Variants in ACVR2A observed in about 807,000 individuals in gnomAD.
The protein encoded by ACVR2A is activin A receptor type 2A, also known as activin receptor type-2A.
A neutral mutation model predicts 61.4 loss-of-function variants in ACVR2A; 7 were observed. The ratio of observed to expected loss-of-function variants is 0.11; its 90% confidence interval spans 0.06 to 0.21. The LOEUF (loss-of-function observed/expected upper bound fraction) is 0.21. Ranked by LOEUF, ACVR2A falls within the 10% of genes least tolerant of loss-of-function variation. The probability of loss-of-function intolerance (pLI) is 1.00; values close to 1 mark genes in which losing one functional copy is unlikely to be tolerated. For synonymous variants in ACVR2A, 193 were observed against 208.3 expected, an observed-to-expected ratio of 0.93 and a Z score of 0.63; for missense variants, 322 against 621.7, an observed-to-expected ratio of 0.52 and a Z score of 5.13.
chr2:147,893,197 A>C (rs1686632934), intron 1 of ACVR2A, among the ~76,000 whole-genome samples: 1 of 152,136 alleles, frequency 6.6e-6, no homozygotes, highest in African/African-American at 2.4e-5. Flanking sequence ...CACTTAGCAT[A>C]ATGTTTGAGA....
At chr2:147,878,908 TA>T (rs11284106) in intron 1 of ACVR2A, among the ~76,000 whole-genome samples, 49,767 of 149,460 alleles carry the variant, frequency 0.33, 8,436 homozygotes, top group East Asian at 0.52. Context: ...GACCTGTCTT[TA>T]AAAAAAAAAA....
rs576688622 is a variant in ACVR2A, at chr2:147,859,195, A to G, written c.55+13988A>G. Among the ~76,000 whole-genome samples, 31 of 152,214 alleles carry G rather than the reference A, an allele frequency of 2.0e-4. 1 individual carries two copies. The South Asian group carries it at 6.4e-3, about 32-fold the overall frequency. ...TAACTCTGTCTCTGAGGGAAAATAG[A>G]TTTAGTATTCCTTCTTGGACCAGAA... On this transcript the variant is annotated intron_variant, in intron 1 of 10. Transcript: ENST00000241416.
At chr2:147,851,298 T>C (rs191224656) in intron 1 of ACVR2A, among the ~76,000 whole-genome samples, 4 of 152,232 alleles carry the variant, frequency 2.6e-5, no homozygotes, top group Admixed American at 6.5e-5. Context: ...GTATAGACTC[T>C]GGATATAGAC....
rs529947170 is a variant in ACVR2A at position 147,862,264 on chromosome 2, A to G, written c.55+17057A>G. On this transcript the variant is annotated intron_variant, in intron 1 of 10. Coordinates refer to ENST00000241416, the MANE Select transcript of ACVR2A (RefSeq NM_001616.5). ...ATAGCAATAATAAGCACCAAAGCGAACTCTAATTCTAGGGCAGATTTTTTT... is the reference window on the plus strand; with the variant it reads ...ATAGCAATAATAAGCACCAAAGCGAGCTCTAATTCTAGGGCAGATTTTTTT... Among the ~76,000 whole-genome samples the G allele has an allele frequency of 5.9e-5, 9 of 151,344 alleles. No homozygotes were observed. In the East Asian group the frequency reaches 1.7e-3, roughly 29 times the overall value.
In ACVR2A at chr2:147,910,453, A is replaced by G. The variant is rs1186176062; in HGVS notation, c.529-4738A>G. On this transcript the variant is annotated intron_variant, in intron 4 of 10. Coordinates refer to ENST00000241416, the MANE Select transcript of ACVR2A (RefSeq NM_001616.5). ...CTGGAGTACTGGATAAGATGTTTTGATAGTAGGATTATCTCAGCCTTTTGG... is the reference window on the plus strand; with the variant it reads ...CTGGAGTACTGGATAAGATGTTTTGGTAGTAGGATTATCTCAGCCTTTTGG... 2.6e-5 allele frequency among the ~76,000 whole-genome samples: 4 copies of G among 152,272 alleles called. No homozygotes were observed. The South Asian group carries it at 8.3e-4, about 32-fold the overall frequency.
chr2:147,917,174 T>A, intron 5 of ACVR2A, 109 bp from the exon 6 acceptor site: 1 of 1,228,428 alleles, frequency 8.1e-7, no homozygotes, highest in Non-Finnish European at 1.1e-6. Flanking sequence ...TTTTAAGACT[T>A]TTTTGTTTTG....
At chr2:147,923,394 A>G (rs1226616074) in intron 9 of ACVR2A, among the ~76,000 whole-genome samples, 1 of 152,040 alleles carries the variant, frequency 6.6e-6, no homozygotes, top group Admixed American at 6.6e-5. Flanking sequence ...TGCTTTACAT[A>G]TGAGGAAATT....
At chr2:147,904,564 G>A (rs1308202824) in intron 4 of ACVR2A, among the ~76,000 whole-genome samples, 1 of 151,870 alleles carries the variant, frequency 6.6e-6, no homozygotes, top group South Asian at 2.1e-4. Context: ...CTTTATGATA[G>A]TTTGTCTAGG....
intron 1 of ACVR2A, among the ~76,000 whole-genome samples, chr2:147,847,818 C>CT (rs1430856054): frequency 6.6e-6 from 1 of 152,118 alleles, no homozygotes; most frequent in East Asian, 1.9e-4. Flanking sequence ...TCTTAGTTTT[C>CT]TTTTTATAGC....
Position 147,926,079 on chromosome 2 carries a change from A to G in ACVR2A, c.1265A>G (p.His422Arg). ...MLPFEEEIGQ[H>R]PSLEDMQEVV... The stretch of plus-strand genomic sequence containing the variant: ...CCATTTGAGGAGGAAATTGGCCAGC[A>G]TCCATCTCTTGAAGACATGCAGGAA... Residue 422 changes from histidine to arginine, a missense_variant, in exon 10 of 11, where the codon CAT becomes CGT. By Grantham distance (29) the His-to-Arg change is conservative. Coordinates refer to ENST00000241416, the MANE Select transcript of ACVR2A (RefSeq NM_001616.5). 1 of 1,612,232 alleles carries G rather than the reference A, an allele frequency of 6.2e-7. No homozygotes were observed. The highest frequency in any genetic ancestry group is 8.5e-7 in the Non-Finnish European group (1 of 1,178,758).
At chr2:147,859,369 A>G (rs1685668885) in intron 1 of ACVR2A, among the ~76,000 whole-genome samples, 1 of 152,042 alleles carries the variant, frequency 6.6e-6, no homozygotes, top group Non-Finnish European at 1.5e-5. Flanking sequence ...TCTGTGTGTG[A>G]TTAGAGAGGA....
At chr2:147,844,943 A>G (rs1319718136), upstream of ACVR2A, 6 of 379,736 alleles carry the variant, frequency 1.6e-5, no homozygotes, top group Admixed American at 3.7e-4. Flanking sequence ...CCCGTGGTGC[A>G]TTTTATTTTT....
chr2:147,864,553 C>T (rs1685807226), intron 1 of ACVR2A, among the ~76,000 whole-genome samples: 1 of 151,966 alleles, frequency 6.6e-6, no homozygotes, highest in South Asian at 2.1e-4. Flanking sequence ...TTTAAAGTAT[C>T]AATTAGCTTG....
At chr2:147,892,782 A>G (rs188892932) in intron 1 of ACVR2A, among the ~76,000 whole-genome samples, 9 of 152,006 alleles carry the variant, frequency 5.9e-5, no homozygotes, top group Admixed American at 3.3e-4. Context: ...ACACAGATAC[A>G]TAGTTAGAAA....
chr2:147,905,731 G>A (rs1686973840), intron 4 of ACVR2A, among the ~76,000 whole-genome samples: 1 of 151,836 alleles, frequency 6.6e-6, no homozygotes, highest in Non-Finnish European at 1.5e-5. Context: ...AAGTTATCTC[G>A]ACATGCAGGT....
Position 147,896,485 on chromosome 2 carries a change from G to A in ACVR2A, c.240G>A (p.Leu80=), listed in dbSNP as rs202108659. The change falls in exon 2 of 11, where the codon CTG becomes CTA. Residue 80 remains leucine (L), a synonymous_variant. Coordinates refer to ENST00000241416, the MANE Select transcript of ACVR2A (RefSeq NM_001616.5). ...SIEIVKQGCW[L]DDINCYDRTD... is the part of the protein sequence containing the mutation. Reference sequence around the variant, plus strand: ...AAATAGTGAAACAAGGTTGTTGGCTGGATGATATCAACTGCTATGACAGGT... The same window carrying A: ...AAATAGTGAAACAAGGTTGTTGGCTAGATGATATCAACTGCTATGACAGGT... 2.4e-5 allele frequency: 38 copies of A among 1,613,890 alleles called. No individual in the cohort carries two copies. The highest frequency in any genetic ancestry group is 3.1e-5 in the Non-Finnish European group (37 of 1,179,920).
At chr2:147,902,074 G>A (rs1490052831) in intron 4 of ACVR2A, among the ~76,000 whole-genome samples, 2 of 151,802 alleles carry the variant, frequency 1.3e-5, no homozygotes, top group East Asian at 1.9e-4. Flanking sequence ...CATATAAAAA[G>A]CATAAAATAT....
At chr2:147,916,091 C>T (rs1687243684) in intron 5 of ACVR2A, among the ~76,000 whole-genome samples, 1 of 151,844 alleles carries the variant, frequency 6.6e-6, no homozygotes, top group Non-Finnish European at 1.5e-5. Context: ...ATCATATAAG[C>T]AGTTTCTTTG....
intron 4 of ACVR2A, among the ~76,000 whole-genome samples, chr2:147,910,925 G>A (rs1370401097): frequency 6.6e-6 from 1 of 152,084 alleles, no homozygotes; most frequent in Admixed American, 6.6e-5. Flanking sequence ...TTGCCATGGT[G>A]TATTATGGTG....
Sources: allele counts gnomAD v4.1 joint callset (sites outside exome capture counted in the v4.1 genomes callset), GRCh38; gene constraint gnomAD v4.1.1; transcripts MANE v1.5; gene names NCBI Gene and HGNC (gene_info 2026-07-23, HGNC 2026-07-21).